Variants in PCDH7 observed in about 807,000 individuals in gnomAD.
The protein encoded by PCDH7 is protocadherin 7.
Under a neutral mutation model 58.9 loss-of-function variants are expected in PCDH7, and 17 were observed. The ratio of observed to expected loss-of-function variants is 0.29; its 90% CI spans 0.20 to 0.43. PCDH7 has a LOEUF of 0.43. PCDH7 is among the 20% of genes least tolerant of loss of function. PCDH7 has a pLI of 1.00. For synonymous variants in PCDH7, 664 were observed against 616.4 expected (o/e 1.08, Z -1.14); for missense variants, 1,274 against 1,441.0 (o/e 0.88, Z 1.88).
In PCDH7 at chr4:30,823,437, G is replaced by A. The variant is rs1200913721; in HGVS notation, c.71-96716G>A. ...CGTGCCCTTTACTGACTCTGCAAGA[G>A]CCATCACCTAGAATTAAACATTTTC... On this transcript the variant is annotated intron_variant, in intron 1 of 3. Coordinates refer to the PCDH7 transcript ENST00000509759. Among the ~76,000 whole-genome samples the A allele has an allele frequency of 4.6e-5, 7 of 152,022 alleles. No individual in the cohort carries two copies. In the East Asian group the frequency reaches 1.4e-3, roughly 29 times the overall value.
chr4:30,797,767 T>C, intron 1 of PCDH7, among the ~76,000 whole-genome samples: 1 of 152,340 alleles, frequency 6.6e-6, no homozygotes, highest in East Asian at 1.9e-4. Flanking sequence ...AATGGTTGAA[T>C]ACATTTGATG....
intron 3 of PCDH7, among the ~76,000 whole-genome samples, chr4:30,983,927 T>G (rs1578486266): frequency 6.6e-6 from 1 of 152,254 alleles, no homozygotes; most frequent in Middle Eastern, 3.4e-3. Flanking sequence ...CACCACTGAG[T>G]AGAAGAAAGG....
At chr4:30,725,999 A>C (rs1714562304) in intron 1 of PCDH7, among the ~76,000 whole-genome samples, 1 of 152,110 alleles carries the variant, frequency 6.6e-6, no homozygotes, top group Non-Finnish European at 1.5e-5. Context: ...CTACATTTGC[A>C]TTAAATGGCT....
At chr4:30,865,642 GT>G (rs977739479) in intron 1 of PCDH7, among the ~76,000 whole-genome samples, 71 of 152,148 alleles carry the variant, frequency 4.7e-4, no homozygotes, top group African/African-American at 1.6e-3. Context: ...AATTTACAGT[GT>G]TTTTTAAGGA....
chr4:30,926,189 CG>C (rs1240031653), intron 2 of PCDH7, among the ~76,000 whole-genome samples: 3 of 85,118 alleles, frequency 3.5e-5, no homozygotes, highest in East Asian at 4.0e-4. Context: ...AACTTTAGGT[CG>C]TTTTTTTTTT....
At position 31,001,437 on chromosome 4, in the gene PCDH7, A is replaced by G. The variant is rs571038681; in HGVS notation, c.*7+51222A>G. ...ATAAAATCAACTTAAAATTGCACTC[A>G]TGTATCTGAGGAGTGCTTTCACTAA... On this transcript the variant is annotated intron_variant, in intron 3 of 3. Transcript: ENST00000509759. Among the ~76,000 whole-genome samples, 47 of 152,286 alleles carry G rather than the reference A, an allele frequency of 3.1e-4. 1 individual carries two copies. The East Asian group carries it at 8.9e-3, about 29-fold the overall frequency.
chr4:30,801,440 C>T (rs1725509788), intron 1 of PCDH7, among the ~76,000 whole-genome samples: 2 of 151,872 alleles, frequency 1.3e-5, no homozygotes, highest in South Asian at 4.2e-4. Flanking sequence ...ATGAAGTAAA[C>T]TTAGAATCAG....
At chr4:30,832,616 C>G (rs1729942197) in intron 1 of PCDH7, among the ~76,000 whole-genome samples, 1 of 151,914 alleles carries the variant, frequency 6.6e-6, no homozygotes. Context: ...AAAATTTATC[C>G]CCTCTGTGTG....
intron 1 of PCDH7, among the ~76,000 whole-genome samples, chr4:30,821,638 C>G (rs548591116): frequency 1.3e-5 from 2 of 152,290 alleles, no homozygotes; most frequent in Admixed American, 6.5e-5. Context: ...ATGCACTTGT[C>G]TTCTTAGTCT....
chr4:30,807,044 A>T (rs937530706), intron 1 of PCDH7, among the ~76,000 whole-genome samples: 3 of 152,176 alleles, frequency 2.0e-5, no homozygotes, highest in South Asian at 4.1e-4. Flanking sequence ...CATCCTTTTC[A>T]TATTTGCAAA....
intron 1 of PCDH7, among the ~76,000 whole-genome samples, chr4:30,806,863 A>T (rs1726281768): frequency 6.6e-6 from 1 of 152,066 alleles, no homozygotes; most frequent in Admixed American, 6.6e-5. Flanking sequence ...TCTGAAAACA[A>T]TAAAAGAATC....
At chr4:31,012,770 T>C (rs1753291012) in intron 3 of PCDH7, among the ~76,000 whole-genome samples, 1 of 150,518 alleles carries the variant, frequency 6.6e-6, no homozygotes, top group Non-Finnish European at 1.5e-5. Flanking sequence ...TTAGGAAGCC[T>C]AGGCAGGAGA....
chr4:30,738,186 T>C (rs527542388), intron 1 of PCDH7, among the ~76,000 whole-genome samples: 2 of 152,326 alleles, frequency 1.3e-5, no homozygotes, highest in South Asian at 2.1e-4. Context: ...TACAGTCACA[T>C]TGGAGAATAC....
chr4:30,863,805 T>A (rs10010406), intron 1 of PCDH7, among the ~76,000 whole-genome samples: 3 of 152,230 alleles, frequency 2.0e-5, no homozygotes, highest in African/African-American at 7.2e-5. Context: ...TTGTGGGTTT[T>A]TTCCAACCCC....
intron 1 of PCDH7, among the ~76,000 whole-genome samples, chr4:30,806,695 A>G (rs1726263213): frequency 6.6e-6 from 1 of 151,124 alleles, no homozygotes; most frequent in Non-Finnish European, 1.5e-5. Flanking sequence ...CCTCCTTTTC[A>G]TTTAAATTTT....
intron 2 of PCDH7, among the ~76,000 whole-genome samples, chr4:30,930,071 G>A (rs193050805): frequency 6.6e-6 from 1 of 152,180 alleles, no homozygotes; most frequent in Admixed American, 6.5e-5. Flanking sequence ...TTGTCAGAGA[G>A]AAAGGCGTGT....
At chr4:30,817,261 T>C (rs1364135135) in intron 1 of PCDH7, among the ~76,000 whole-genome samples, 1 of 152,188 alleles carries the variant, frequency 6.6e-6, no homozygotes, top group Non-Finnish European at 1.5e-5. Flanking sequence ...ATCTATCTCA[T>C]AGGATGTTGT....
intron 3 of PCDH7, among the ~76,000 whole-genome samples, chr4:30,966,402 G>A (rs972023684): frequency 6.6e-6 from 1 of 151,984 alleles, no homozygotes; most frequent in African/African-American, 2.4e-5. Context: ...ATTAGGGATG[G>A]GTGTCATTGT....
intron 1 of PCDH7, among the ~76,000 whole-genome samples, chr4:30,805,230 C>T (rs556718731): frequency 1.1e-4 from 16 of 152,264 alleles, no homozygotes; most frequent in African/African-American, 3.4e-4. Context: ...CTCCCTTGGG[C>T]TCAGTACAAG....
Sources: allele counts gnomAD v4.1 joint callset (sites outside exome capture counted in the v4.1 genomes callset), GRCh38; gene constraint gnomAD v4.1.1; transcripts MANE v1.5; gene names NCBI Gene and HGNC (gene_info 2026-07-23, HGNC 2026-07-21).